PRKCA: variants seen among roughly 807,000 people sequenced by gnomAD.
PRKCA encodes the protein protein kinase C alpha.
In PRKCA, 27 loss-of-function variants were observed where a neutral mutation model predicts 87.0. The ratio of observed to expected loss-of-function variants is 0.31; its 90% CI spans 0.23 to 0.43. The LOEUF is 0.43. PRKCA is among the 20% of genes least tolerant of loss of function. The probability of loss-of-function intolerance (pLI) is 1.00; values close to 1 mark genes in which losing one functional copy is unlikely to be tolerated. For synonymous variants in PRKCA, 329 were observed against 311.1 expected (o/e 1.06, Z -0.61); for missense variants, 518 against 852.3 (o/e 0.61, Z 4.88).
chr17:66,441,597 C>G (rs1254487833), intron 2 of PRKCA, among the ~76,000 whole-genome samples: 2 of 152,180 alleles, frequency 1.3e-5, no homozygotes. Flanking sequence ...CAGGTGGTTT[C>G]TGGGCACACT....
chr17:66,788,341 C>T (rs889599757), intron 15 of PRKCA, among the ~76,000 whole-genome samples: 4 of 152,120 alleles, frequency 2.6e-5, no homozygotes, highest in African/African-American at 7.2e-5. Context: ...ATTAACTAGT[C>T]GCCTTCCTTG....
intron 2 of PRKCA, among the ~76,000 whole-genome samples, chr17:66,489,317 T>A (rs965939124): frequency 6.8e-6 from 1 of 147,468 alleles, no homozygotes; most frequent in Non-Finnish European, 1.5e-5. Flanking sequence ...GAAATTATTT[T>A]TTAAAGGAGA....
At chr17:66,685,269 A>G (rs1364240874) in intron 5 of PRKCA, among the ~76,000 whole-genome samples, 2 of 152,070 alleles carry the variant, frequency 1.3e-5, no homozygotes, top group African/African-American at 4.8e-5. Context: ...GTCCGTCTTC[A>G]TTTTTCTAGA....
chr17:66,518,966 G>A (rs764040087), intron 3 of PRKCA, among the ~76,000 whole-genome samples: 6 of 152,108 alleles, frequency 3.9e-5, no homozygotes, highest in Non-Finnish European at 7.3e-5. Context: ...GCTATGATGC[G>A]TACACTACAA....
At chr17:66,556,840 T>A (rs1046677806) in intron 3 of PRKCA, among the ~76,000 whole-genome samples, 1 of 152,136 alleles carries the variant, frequency 6.6e-6, no homozygotes, top group Admixed American at 6.5e-5. Flanking sequence ...GTCAATTAAA[T>A]CTCTTTCCCT....
intron 2 of PRKCA, among the ~76,000 whole-genome samples, chr17:66,433,456 G>A (rs932510063): frequency 2.2e-4 from 33 of 152,216 alleles, no homozygotes; most frequent in African/African-American, 7.0e-4. Flanking sequence ...GTGAGGATGC[G>A]TGTTTGCTTG....
At chr17:66,793,155 A>G (rs922794087) in intron 16 of PRKCA, among the ~76,000 whole-genome samples, 10 of 152,178 alleles carry the variant, frequency 6.6e-5, no homozygotes, top group Non-Finnish European at 4.4e-5. Flanking sequence ...TCTTCAAGGA[A>G]GCACAATGTG....
At chr17:66,642,350 C>T (rs1027098436) in intron 4 of PRKCA, among the ~76,000 whole-genome samples, 20 of 152,118 alleles carry the variant, frequency 1.3e-4, no homozygotes, top group African/African-American at 4.8e-4. Flanking sequence ...AGGATAGTCT[C>T]GATCTCCTGA....
chr17:66,425,230 A>C (rs1235291379), intron 2 of PRKCA, among the ~76,000 whole-genome samples: 2 of 152,200 alleles, frequency 1.3e-5, no homozygotes, highest in East Asian at 3.9e-4. Context: ...TTCGTGATTA[A>C]TTCAGACAGG....
intron 3 of PRKCA, among the ~76,000 whole-genome samples, chr17:66,631,648 G>T (rs1039077767): frequency 6.6e-6 from 1 of 152,062 alleles, no homozygotes; most frequent in African/African-American, 2.4e-5. Flanking sequence ...TAAAAGTTGT[G>T]CAGGGTGACT....
chr17:66,761,619 G>A (rs1974687296), intron 13 of PRKCA, among the ~76,000 whole-genome samples: 1 of 151,536 alleles, frequency 6.6e-6, no homozygotes, highest in African/African-American at 2.4e-5. Context: ...ACCACACCCG[G>A]CTAATTTTTG....
chr17:66,315,564 C>G (rs60213182), intron 2 of PRKCA, among the ~76,000 whole-genome samples: 2,210 of 151,518 alleles, frequency 0.015, 51 homozygotes, highest in African/African-American at 0.051. Flanking sequence ...ACTGCAACCT[C>G]CGTCTCCTGG....
Position 66,687,259 on chromosome 17 carries a change from C to A in PRKCA, c.678C>A (p.Ser226=), listed in dbSNP as rs1818013709. The stretch of plus-strand genomic sequence containing the variant: ...CACTAAATCCGCAGTGGAATGAGTC[C>A]TTTACATTGTAAGTGGTCTCTCCTT... The part of the protein sequence containing the change: ...RSTLNPQWNE[S]FTFKLKPSDK... The change falls in exon 6 of 17, where the codon TCC becomes TCA. Residue 226 remains serine (S), a synonymous_variant. Coordinates refer to ENST00000413366, the MANE Select transcript of PRKCA (RefSeq NM_002737.3). 3 of 1,613,514 alleles carry A rather than the reference C, an allele frequency of 1.9e-6. No homozygotes were observed. Among genetic ancestry groups the A allele is most frequent in the South Asian group, 2.2e-5 (2 of 91,040 alleles).
intron 14 of PRKCA, chr17:66,775,894 C>T: frequency 2.6e-6 from 1 of 377,660 alleles, no homozygotes. Flanking sequence ...ATGTATAACA[C>T]AGCAGAGGTA....
In PRKCA at chr17:66,302,899, G is replaced by C. The variant is rs780083199; in HGVS notation, c.48G>C (p.Val16=). The C allele has an allele frequency of 8.1e-6, 13 of 1,612,070 alleles. No homozygotes were observed. The Admixed American group carries it at 2.2e-4, about 27-fold the overall frequency. ...PGNDSTASQD[V]ANRFARKGAL... ...ACGACTCCACGGCGTCTCAGGACGT[G>C]GCCAACCGCTTCGCCCGCAAAGGGG... The change falls in exon 1 of 17, where the codon GTG becomes GTC. Residue 16 remains valine, a synonymous_variant. Coordinates refer to ENST00000413366, the MANE Select transcript of PRKCA (RefSeq NM_002737.3).
At chr17:66,357,321 TTATTAC>T (rs1908121821) in intron 2 of PRKCA, among the ~76,000 whole-genome samples, 1 of 152,160 alleles carries the variant, frequency 6.6e-6, no homozygotes, top group African/African-American at 2.4e-5. Flanking sequence ...CTTTCTGCTT[TTATTAC>T]TATTATACTT....
At chr17:66,603,564 A>G (rs1970119582) in intron 3 of PRKCA, among the ~76,000 whole-genome samples, 1 of 152,134 alleles carries the variant, frequency 6.6e-6, no homozygotes, top group Non-Finnish European at 1.5e-5. Context: ...GGTCCCTTCT[A>G]TGCCTTTTTC....
chr17:66,477,982 C>T (rs1339288940), intron 2 of PRKCA, among the ~76,000 whole-genome samples: 2 of 152,092 alleles, frequency 1.3e-5, no homozygotes, highest in African/African-American at 4.8e-5. Flanking sequence ...AAAAAGTACC[C>T]GAAACGTGTC....
intron 2 of PRKCA, among the ~76,000 whole-genome samples, chr17:66,492,943 C>T (rs975534307): frequency 2.0e-5 from 3 of 152,230 alleles, no homozygotes; most frequent in East Asian, 1.9e-4. Context: ...GTGTGGCCAG[C>T]GTGCTGGGCA....
Sources: gnomAD v4.1 joint callset for allele counts (sites outside exome capture counted in the v4.1 genomes callset) on GRCh38, gnomAD v4.1.1 for gene constraint, MANE v1.5 for transcripts, NCBI Gene and HGNC (gene_info 2026-07-23, HGNC 2026-07-21) for gene names.